Variants in DCDC2B observed in about 807,000 individuals in gnomAD.
DCDC2B encodes doublecortin domain-containing protein 2B.
In DCDC2B, 41 loss-of-function variants were observed where a neutral mutation model predicts 38.9. The observed-to-expected ratio is 1.05, with a 90% CI of 0.82 to 1.37. The LOEUF (loss-of-function observed/expected upper bound fraction) is 1.37, where lower values mean the gene tolerates loss of function less well. Ranked by LOEUF, DCDC2B falls within the 40% of genes most tolerant of loss-of-function variation. The probability of loss-of-function intolerance (pLI) is 0.00; values close to 1 mark genes in which losing one functional copy is unlikely to be tolerated. For missense variants in DCDC2B, 453 were observed against 427.2 expected, an observed-to-expected ratio of 1.06 and a Z score of -0.53; for synonymous variants, 181 against 171.9, an observed-to-expected ratio of 1.05 and a Z score of -0.41.
chr1:32,212,056 G>A lies in DCDC2B; in HGVS notation c.396-14G>A, dbSNP rs765260233. The A allele has an allele frequency of 1.2e-4, 200 of 1,607,406 alleles. 3 individuals carry two copies. The South Asian group carries it at 1.7e-3, about 14-fold the overall frequency. ...TCCTGGGGACACTCCCCCTTACCAG[G>A]CTTTTTGTCTCAGTGTGTTCAGGAA... On this transcript the variant is annotated splice_polypyrimidine_tract_variant and intron_variant, in intron 3 of 8. Transcript: ENST00000409358.
chr1:32,215,469 C>A lies in DCDC2B; in HGVS notation c.880C>A (p.Arg294=), dbSNP rs11590013. 20,281 of 1,613,088 alleles carry A rather than the reference C, an allele frequency of 0.013. 168 individuals carry two copies. Among genetic ancestry groups the A allele is most frequent in the Non-Finnish European group, 0.015 (17,913 of 1,179,584 alleles). Residue 294 remains arginine (R), a synonymous_variant, in exon 8 of 9, where the codon CGA becomes AGA. Coordinates refer to ENST00000409358, the MANE Select transcript of DCDC2B (RefSeq NM_001099434.2). ...TATAGGAGTATATGGAGCTCCCCAC[C>A]GAAGGAAGGAGACAGCGGGGGCCCT... ...GVIGVYGAPH[R]RKETAGALEV...
At chr1:32,211,202 C>T (rs1407313510) in intron 1 of DCDC2B, 70 bp from the exon 2 acceptor site, 2 of 1,437,810 alleles carry the variant, frequency 1.4e-6, no homozygotes, top group African/African-American at 1.4e-5. Context: ...CCCAACCCAA[C>T]ACTGACATCT....
chr1:32,210,405 G>A (rs1399201741), intron 1 of DCDC2B, among the ~76,000 whole-genome samples: 1 of 150,626 alleles, frequency 6.6e-6, no homozygotes, highest in Non-Finnish European at 1.5e-5. Context: ...GGCTGAGGCA[G>A]AAGAATCGCT....
chr1:32,213,701 G>A (rs760037771), intron 6 of DCDC2B, among the ~76,000 whole-genome samples: 146 of 151,342 alleles, frequency 9.6e-4, no homozygotes, highest in Non-Finnish European at 1.3e-3. Flanking sequence ...TAGTAGAGAC[G>A]GGGTTTCACC....
chr1:32,212,895 TTTTC>T (rs1643649295), intron 6 of DCDC2B, 102 bp downstream of exon 6: 3 of 1,363,492 alleles, frequency 2.2e-6, no homozygotes, highest in Middle Eastern at 2.7e-4. Flanking sequence ...ATCCTCTCTT[TTTTC>T]TTTTTCTTTG....
Position 32,211,770 on chromosome 1 carries a change from G to A in DCDC2B, c.328G>A (p.Val110Met), listed in dbSNP as rs199902105. Residue 110 changes from valine (V) to methionine (M), a missense_variant, in exon 3 of 9, where the codon GTG becomes ATG. Physicochemically the swap from Val to Met is conservative, Grantham distance 21. Transcript: ENST00000409358. ...CTGACATGGGTTTCAGGGTCCTCCCGTGACTCGCCACTTGTGTGATGGGGC... is the reference window on the plus strand; with the variant it reads ...CTGACATGGGTTTCAGGGTCCTCCCATGACTCGCCACTTGTGTGATGGGGC... Reference protein sequence around the residue: ...GKSCRLQGPPVTRHLCDGAIG... With the variant: ...GKSCRLQGPPMTRHLCDGAIG... 2.1e-5 allele frequency: 33 copies of A among 1,608,222 alleles called. No individual in the cohort carries two copies. The highest frequency in any genetic ancestry group is 6.7e-5 in the East Asian group (3 of 44,696).
At chr1:32,213,065 T>C (rs916679177) in intron 6 of DCDC2B, among the ~76,000 whole-genome samples, 1 of 151,932 alleles carries the variant, frequency 6.6e-6, no homozygotes, top group African/African-American at 2.4e-5. Flanking sequence ...TCCAGCTAAT[T>C]TTGTATATTT....
Position 32,211,837 on chromosome 1 carries a change from AGT to A in DCDC2B, c.395+2_395+3del, listed in dbSNP as rs760485939. On this transcript the variant is annotated splice_donor_variant, in intron 3 of 8. Transcript: ENST00000409358. LOFTEE classifies it high-confidence loss of function. ...CCTGCAGGTGCTCCCAGCTATATCC[AGT>A]GAGTGCCAGTGTGAGGGAGCAGGGG... 1 of 1,606,682 alleles carries A rather than the reference AGT, an allele frequency of 6.2e-7. No individual in the cohort carries two copies. Among genetic ancestry groups the A allele is most frequent in the Non-Finnish European group, 8.5e-7 (1 of 1,176,692 alleles).
chr1:32,209,432 ATGTATG>A, intron 1 of DCDC2B, 73 bp downstream of exon 1: 1 of 1,554,860 alleles, frequency 6.4e-7, no homozygotes, highest in Non-Finnish European at 8.7e-7. Flanking sequence ...AGTACCTACC[ATGTATG>A]TACCAGCATG....
At chr1:32,211,882 G>GTT (rs761198494) in intron 3 of DCDC2B, 45 bp downstream of exon 3, 1 of 1,573,070 alleles carries the variant, frequency 6.4e-7, no homozygotes, top group East Asian at 2.3e-5. Flanking sequence ...GTTTGTTTTA[G>GTT]TAAGGCCAAG....
intron 8 of DCDC2B, 91 bp from the exon 9 acceptor site, chr1:32,215,711 T>G: frequency 8.3e-7 from 1 of 1,206,214 alleles, no homozygotes; most frequent in Non-Finnish European, 1.2e-6. Flanking sequence ...TTCCAGTTTC[T>G]TCCTTCCTTG....
chr1:32,211,763 T>C lies in DCDC2B; in HGVS notation c.321T>C (p.Gly107=). 6.2e-7 allele frequency: 1 copy of C among 1,605,904 alleles called. No homozygotes were observed. Among genetic ancestry groups the C allele is most frequent in the Non-Finnish European group, 8.5e-7 (1 of 1,176,392 alleles). Residue 107 remains glycine (G), a splice_region_variant and synonymous_variant, in exon 3 of 9, where the codon GGT becomes GGC. Coordinates refer to ENST00000409358, the MANE Select transcript of DCDC2B (RefSeq NM_001099434.2). ...TGGAGGCCTGACATGGGTTTCAGGGTCCTCCCGTGACTCGCCACTTGTGTG... is the reference window on the plus strand; with the variant it reads ...TGGAGGCCTGACATGGGTTTCAGGGCCCTCCCGTGACTCGCCACTTGTGTG... ...DPGGKSCRLQ[G]PPVTRHLCDG... is the part of the protein sequence containing the mutation.
At chr1:32,215,158 G>GC (rs1004169343) in intron 7 of DCDC2B, 1 of 634,896 alleles carries the variant, frequency 1.6e-6, no homozygotes, top group Non-Finnish European at 2.6e-6. Context: ...GTCTCCAGCT[G>GC]CCCCCGTCTG....
At chr1:32,211,050 G>C (rs1643564002) in intron 1 of DCDC2B, among the ~76,000 whole-genome samples, 1 of 152,176 alleles carries the variant, frequency 6.6e-6, no homozygotes, top group East Asian at 1.9e-4. Context: ...CCCCAGTCTG[G>C]ATTTCCAGAC....
At chr1:32,210,311 A>T (rs1307850364) in intron 1 of DCDC2B, among the ~76,000 whole-genome samples, 7 of 141,846 alleles carry the variant, frequency 4.9e-5, no homozygotes, top group Non-Finnish European at 9.1e-5. Context: ...GGGCAATAAG[A>T]GTGAAACTCC....
At chr1:32,212,282 G>A (rs1462770232) in intron 4 of DCDC2B, 81 bp downstream of exon 4, 57 of 1,580,572 alleles carry the variant, frequency 3.6e-5, no homozygotes, top group Non-Finnish European at 4.2e-5. Context: ...AGGATGAAGA[G>A]GCAAAAGGAA....
rs780347925 is a variant in DCDC2B at position 32,211,849 on chromosome 1, T to C, written c.395+12T>C. The C allele has an allele frequency of 2.5e-6, 4 of 1,603,276 alleles. No individual in the cohort carries two copies. The highest frequency in any genetic ancestry group is 1.3e-5 in the African/African-American group (1 of 74,722). ...CCCAGCTATATCCAGTGAGTGCCAG[T>C]GTGAGGGAGCAGGGGTGTTGATGTT... is the stretch of plus-strand genomic sequence containing the variant. On this transcript the variant is annotated intron_variant, in intron 3 of 8. Transcript: ENST00000409358.
intron 7 of DCDC2B, 53 bp downstream of exon 7, chr1:32,214,985 T>C: frequency 6.2e-7 from 1 of 1,607,686 alleles, no homozygotes; most frequent in Non-Finnish European, 8.5e-7. Context: ...GACAGTGACA[T>C]AGGTTGGTCC....
Position 32,212,099 on chromosome 1 carries a change from C to T in DCDC2B, c.425C>T (p.Pro142Leu), listed in dbSNP as rs1336936598. Residue 142 changes from proline (P) to leucine (L), a missense_variant, in exon 4 of 9, where the codon CCC becomes CTC. Transcript: ENST00000409358. The stretch of plus-strand genomic sequence containing the variant: ...TTCAGGAATGGGGACCTGGTAAGTC[C>T]CCCATTTAGTCTGAAGCTGTCCCAG... ...HVFRNGDLVS[P>L]PFSLKLSQAA... is the part of the protein sequence containing the mutation. The T allele has an allele frequency of 1.9e-6, 3 of 1,613,870 alleles. No homozygotes were observed. Among genetic ancestry groups the T allele is most frequent in the Admixed American group, 3.3e-5 (2 of 60,012 alleles).
Sources: gnomAD v4.1 joint callset for allele counts (sites outside exome capture counted in the v4.1 genomes callset) on GRCh38, gnomAD v4.1.1 for gene constraint, MANE v1.5 for transcripts, NCBI Gene and HGNC (gene_info 2026-07-23, HGNC 2026-07-21) for gene names.